Variants in COL25A1 observed in about 807,000 individuals in gnomAD.
The protein encoded by COL25A1 is collagen type XXV alpha 1 chain, also known as collagen alpha-1(XXV) chain.
A neutral mutation model predicts 128.4 loss-of-function variants in COL25A1; 103 were observed. That is an observed-to-expected ratio of 0.80 (90% confidence interval 0.68 to 0.94). The LOEUF is 0.94. COL25A1 is among the 40% of genes least tolerant of loss of function. The pLI is 0.00. For synonymous variants in COL25A1, 279 were observed against 277.2 expected (o/e 1.01, Z -0.06); for missense variants, 745 against 840.0 (o/e 0.89, Z 1.40).
chr4:109,053,169 C>T (rs1217965943), intron 3 of COL25A1, among the ~76,000 whole-genome samples: 1 of 151,982 alleles, frequency 6.6e-6, no homozygotes. Flanking sequence ...CCAGATTGCT[C>T]TTCAGGATTA....
chr4:109,227,243 G>C (rs111681669), intron 3 of COL25A1, among the ~76,000 whole-genome samples: 1 of 143,546 alleles, frequency 7.0e-6, no homozygotes, highest in Non-Finnish European at 1.5e-5. Context: ...CAGTTTAATG[G>C]AGTCAAATTC....
chr4:109,174,896 G>A (rs1219961711), intron 3 of COL25A1, among the ~76,000 whole-genome samples: 1 of 152,190 alleles, frequency 6.6e-6, no homozygotes, highest in Non-Finnish European at 1.5e-5. Context: ...AGGTGAGTGA[G>A]CATTACCGCC....
rs1459967656 is a variant in COL25A1, at chr4:108,810,558, C to T, written c.*3369G>A. On this transcript the variant is annotated 3_prime_UTR_variant, in exon 38 of 38. Coordinates refer to ENST00000399132, the MANE Select transcript of COL25A1 (RefSeq NM_198721.4). Reference sequence around the variant, plus strand: ...AGAAAAAATTAGGTATATTTGTGCACTAGGTACTCTATACGGTGTGTGCAG... The same window carrying T: ...AGAAAAAATTAGGTATATTTGTGCATTAGGTACTCTATACGGTGTGTGCAG... The T allele has an allele frequency of 6.6e-6, 1 of 151,946 alleles. No individual in the cohort carries two copies. The highest frequency in any genetic ancestry group is 1.5e-5 in the Non-Finnish European group (1 of 67,848). The allele number at this position is 151,946 out of a possible 1,614,324, so 9.4% of individuals were successfully genotyped here.
rs1008278458 is a variant in COL25A1, at chr4:108,928,500, TTTTA to T, written c.709-7900_709-7897del. 1.0e-4 allele frequency among the ~76,000 whole-genome samples: 13 copies of T among 126,218 alleles called. No individual in the cohort carries two copies. In the East Asian group the frequency reaches 1.2e-3, roughly 11 times the overall value. 82.8% of individuals were successfully genotyped at this position (126,218 alleles called of 152,430 possible). On this transcript the variant is annotated intron_variant, in intron 11 of 37. Coordinates refer to ENST00000399132, the MANE Select transcript of COL25A1 (RefSeq NM_198721.4). ...CAATATTTAGACACTGAATTTTTAA[TTTTA>T]TTTATTTATGTATTTATTTATGTAT... is the stretch of plus-strand genomic sequence containing the variant.
intron 3 of COL25A1, among the ~76,000 whole-genome samples, chr4:109,098,933 A>G (rs1316706539): frequency 6.6e-6 from 1 of 152,220 alleles, no homozygotes; most frequent in Non-Finnish European, 1.5e-5. Flanking sequence ...TGGCTCCAGT[A>G]CTTAGCAGTT....
intron 11 of COL25A1, among the ~76,000 whole-genome samples, chr4:108,935,010 C>G (rs1747233570): frequency 1.3e-5 from 2 of 152,174 alleles, no homozygotes; most frequent in African/African-American, 4.8e-5. Context: ...TATTATCCCT[C>G]CTTCACAGAT....
chr4:108,859,878 A>G, intron 23 of COL25A1, 145 bp from the exon 24 acceptor site: 1 of 588,854 alleles, frequency 1.7e-6, no homozygotes, highest in Non-Finnish European at 3.0e-6. Flanking sequence ...ATATATAAAT[A>G]ATTATGTTCA....
At chr4:108,845,069 C>G in intron 29 of COL25A1, 120 bp downstream of exon 29, 2 of 839,970 alleles carry the variant, frequency 2.4e-6, no homozygotes, top group Non-Finnish European at 4.1e-6. Flanking sequence ...TTTGACAAAC[C>G]AAGAGGTTTG....
Position 109,302,277 on chromosome 4 carries a change from G to A in COL25A1, c.-165C>T, listed in dbSNP as rs1211523393. Reference sequence around the variant, plus strand: ...CTCCGTCCGGGGACTGGGTGGCGGTGGGGTAAAAAGCAAGACGAAACCCAC... The same window carrying A: ...CTCCGTCCGGGGACTGGGTGGCGGTAGGGTAAAAAGCAAGACGAAACCCAC... On this transcript the variant is annotated 5_prime_UTR_variant, in exon 1 of 38. Transcript: ENST00000399132. The A allele has an allele frequency of 1.0e-5, 5 of 482,516 alleles. No individual in the cohort carries two copies. Among genetic ancestry groups the A allele is most frequent in the Non-Finnish European group, 1.8e-5 (5 of 277,262 alleles). The allele number at this position is 482,516 out of a possible 1,614,324, so 29.9% of individuals were successfully genotyped here.
chr4:108,916,013 T>C (rs987035877), intron 13 of COL25A1, among the ~76,000 whole-genome samples: 1 of 152,334 alleles, frequency 6.6e-6, no homozygotes, highest in East Asian at 1.9e-4. Context: ...ATTATTACTC[T>C]ATTGCCAACT....
In COL25A1 at chr4:109,279,773, T is replaced by G. The variant is rs547817845; in HGVS notation, c.367+20810A>C. On this transcript the variant is annotated intron_variant, in intron 3 of 37. Transcript: ENST00000399132. ...TAATGAGCCATATCCACAACAACCG[T>G]GTGAACATTTGCCCTTTATTCTACT... 4.6e-5 allele frequency among the ~76,000 whole-genome samples: 7 copies of G among 152,322 alleles called. No individual in the cohort carries two copies. In the South Asian group the frequency reaches 1.4e-3, roughly 32 times the overall value.
intron 3 of COL25A1, among the ~76,000 whole-genome samples, chr4:109,296,050 C>A (rs1418904736): frequency 5.3e-5 from 8 of 152,054 alleles, no homozygotes; most frequent in Non-Finnish European, 1.2e-4. Context: ...ACCTAACTCT[C>A]CCTATTTTCA....
At chr4:108,999,209 C>CTATCGATCTGACAAAGGGCTAA (rs1755096768) in intron 6 of COL25A1, among the ~76,000 whole-genome samples, 1 of 150,138 alleles carries the variant, frequency 6.7e-6, no homozygotes, top group Non-Finnish European at 1.5e-5. Context: ...TCTTTGCAAT[C>CTATCGATCTGACAAAGGGCTAA]TATCCATCTG....
At chr4:108,960,311 A>T (rs1300781784) in intron 8 of COL25A1, among the ~76,000 whole-genome samples, 2 of 152,136 alleles carry the variant, frequency 1.3e-5, no homozygotes, top group East Asian at 3.8e-4. Flanking sequence ...CACATTTTTT[A>T]AAAAACGAAG....
intron 3 of COL25A1, among the ~76,000 whole-genome samples, chr4:109,069,372 C>A (rs1389666399): frequency 6.6e-6 from 1 of 151,962 alleles, no homozygotes; most frequent in Non-Finnish European, 1.5e-5. Flanking sequence ...CCACCACAGC[C>A]AGCTGATTTA....
At chr4:109,254,580 C>G (rs1780959907) in intron 3 of COL25A1, among the ~76,000 whole-genome samples, 1 of 147,816 alleles carries the variant, frequency 6.8e-6, no homozygotes, top group Non-Finnish European at 1.5e-5. Flanking sequence ...CTCATCTTCA[C>G]CAACCCTGGA....
At chr4:109,003,691 C>T (rs1332956001) in intron 6 of COL25A1, among the ~76,000 whole-genome samples, 1 of 152,158 alleles carries the variant, frequency 6.6e-6, no homozygotes, top group Non-Finnish European at 1.5e-5. Context: ...ATCCCAGCTA[C>T]TCTGGAGGCT....
chr4:109,032,867 G>A (rs554769840), intron 5 of COL25A1, among the ~76,000 whole-genome samples: 1 of 152,212 alleles, frequency 6.6e-6, no homozygotes. Context: ...AGTCTACTGG[G>A]GAGAGAATAA....
intron 13 of COL25A1, among the ~76,000 whole-genome samples, chr4:108,906,174 G>A (rs904810875): frequency 6.6e-6 from 1 of 152,096 alleles, no homozygotes; most frequent in African/African-American, 2.4e-5. Flanking sequence ...AGCCCCACAT[G>A]ATCTGACCCC....
Sources: allele counts gnomAD v4.1 joint callset (sites outside exome capture counted in the v4.1 genomes callset), GRCh38; gene constraint gnomAD v4.1.1; transcripts MANE v1.5; gene names NCBI Gene and HGNC (gene_info 2026-07-23, HGNC 2026-07-21).